MGAT4C: variants seen among roughly 807,000 people sequenced by gnomAD.
MGAT4C encodes the protein alpha-1,3-mannosyl-glycoprotein 4-beta-N-acetylglucosaminyltransferase C.
A neutral mutation model predicts 40.1 loss-of-function variants in MGAT4C; 19 were observed. The observed-to-expected ratio is 0.47, with a 90% CI of 0.33 to 0.70. MGAT4C has a LOEUF of 0.70. Among genes scored for constraint, MGAT4C ranks in the 30% least tolerant of loss-of-function variants. MGAT4C has a pLI of 0.02. For synonymous variants in MGAT4C, 181 were observed against 187.1 expected, an observed-to-expected ratio of 0.97 and a Z score of 0.27; for missense variants, 491 against 563.2, an observed-to-expected ratio of 0.87 and a Z score of 1.30.
At chr12:86,686,954 C>A (rs942294178) in intron 2 of MGAT4C, among the ~76,000 whole-genome samples, 1 of 152,236 alleles carries the variant, frequency 6.6e-6, no homozygotes, top group East Asian at 1.9e-4. Context: ...GCTGTGAATC[C>A]GTCTGGTCCT....
chr12:86,374,863 C>A (rs12815932), intron 3 of MGAT4C, among the ~76,000 whole-genome samples: 2 of 152,032 alleles, frequency 1.3e-5, no homozygotes, highest in Non-Finnish European at 2.9e-5. Context: ...ACCAGTAAGG[C>A]CTGCTTTGCT....
At chr12:86,390,200 T>A (rs1019647634) in intron 3 of MGAT4C, among the ~76,000 whole-genome samples, 63 of 152,136 alleles carry the variant, frequency 4.1e-4, no homozygotes, top group Non-Finnish European at 1.5e-4. Flanking sequence ...GCCCTGTGAG[T>A]TTTGTTGTAA....
chr12:86,286,208 G>T (rs1323749890), intron 4 of MGAT4C, among the ~76,000 whole-genome samples: 2 of 152,024 alleles, frequency 1.3e-5, no homozygotes, highest in Non-Finnish European at 2.9e-5. Flanking sequence ...AGGATGTGAC[G>T]TTTTATACAC....
chr12:86,194,739 C>T (rs1202679156), intron 1 of MGAT4C, among the ~76,000 whole-genome samples: 2 of 152,034 alleles, frequency 1.3e-5, no homozygotes. Context: ...GCTGGGATTA[C>T]AGGCATGAAC....
In MGAT4C at chr12:86,799,474, T is replaced by C. The variant is rs556591714; in HGVS notation, c.-262+39192A>G. 3.3e-5 allele frequency among the ~76,000 whole-genome samples: 5 copies of C among 151,984 alleles called. No individual in the cohort carries two copies. In the South Asian group the frequency reaches 6.2e-4, roughly 19 times the overall value. On this transcript the variant is annotated intron_variant, in intron 1 of 7. Coordinates refer to the MGAT4C transcript ENST00000548651. ...GCAAAGGTTTTAGTTACAAATACTT[T>C]CTATCTCACAGCTGTTCTCCTTTAA...
chr12:86,543,973 G>C (rs1941524397), intron 2 of MGAT4C, among the ~76,000 whole-genome samples: 1 of 151,990 alleles, frequency 6.6e-6, no homozygotes, highest in South Asian at 2.1e-4. Context: ...CTCATCAGGG[G>C]GGCTCAGGCT....
At chr12:86,425,845 A>T (rs537483243) in intron 3 of MGAT4C, among the ~76,000 whole-genome samples, 4 of 152,298 alleles carry the variant, frequency 2.6e-5, no homozygotes, top group Non-Finnish European at 5.9e-5. Flanking sequence ...CATTTGTATA[A>T]CTAAAGACTC....
rs566303660 is a variant in MGAT4C, at chr12:86,774,825, A to G, written c.-261-47584T>C. Among the ~76,000 whole-genome samples the G allele has an allele frequency of 2.8e-4, 42 of 152,148 alleles. 1 individual carries two copies. Among genetic ancestry groups the G allele is most frequent in the African/African-American group, 9.9e-4 (41 of 41,438 alleles). The stretch of plus-strand genomic sequence containing the variant: ...AAGAGCACTAATTTAATGATTGAAA[A>G]TAGAGTTGGTTCTATAATGAGGTCT... On this transcript the variant is annotated intron_variant, in intron 1 of 7. Coordinates refer to the MGAT4C transcript ENST00000548651.
At chr12:86,763,255 A>C (rs1286652952) in intron 1 of MGAT4C, among the ~76,000 whole-genome samples, 3 of 152,174 alleles carry the variant, frequency 2.0e-5, no homozygotes, top group Admixed American at 6.5e-5. Context: ...CAAAATTATG[A>C]ATCTATTCTG....
At chr12:86,834,175 GATATAGAT>G (rs1466416126) in intron 1 of MGAT4C, among the ~76,000 whole-genome samples, 3 of 3,142 alleles carry the variant, frequency 9.5e-4, no homozygotes, top group African/African-American at 2.0e-3. Flanking sequence ...GAGATAGATA[GATATAGAT>G]ATAGATATAG....
chr12:86,667,569 G>T (rs939801333), intron 2 of MGAT4C, among the ~76,000 whole-genome samples: 1 of 152,080 alleles, frequency 6.6e-6, no homozygotes, highest in Non-Finnish European at 1.5e-5. Context: ...AAACATAATG[G>T]CAAAAACCGC....
chr12:86,716,190 G>A (rs1314441673), intron 2 of MGAT4C, among the ~76,000 whole-genome samples: 1 of 152,010 alleles, frequency 6.6e-6, no homozygotes, highest in African/African-American at 2.4e-5. Flanking sequence ...TCCCATACAG[G>A]AGGTACATAT....
In MGAT4C at chr12:86,180,082, C is replaced by T. The variant is rs530221762; in HGVS notation, c.-57+76157G>A. Among the ~76,000 whole-genome samples, 489 of 152,278 alleles carry T rather than the reference C, an allele frequency of 3.2e-3. 2 individuals carry two copies. The highest frequency in any genetic ancestry group is 0.011 in the African/African-American group (454 of 41,554). ...TGTGTGCACCCTTGGGACTTGGTGCCCTGTGTTCCTGCCACTCCAGCCATG... is the reference window on the plus strand; with the variant it reads ...TGTGTGCACCCTTGGGACTTGGTGCTCTGTGTTCCTGCCACTCCAGCCATG... On this transcript the variant is annotated intron_variant, in intron 1 of 4. Coordinates refer to ENST00000611864, the MANE Select transcript of MGAT4C (RefSeq NM_001351288.2).
At chr12:86,721,287 G>A (rs368726189) in intron 2 of MGAT4C, among the ~76,000 whole-genome samples, 1 of 152,096 alleles carries the variant, frequency 6.6e-6, no homozygotes, top group East Asian at 1.9e-4. Flanking sequence ...TGCAGGACCT[G>A]AAGATTTTAG....
intron 2 of MGAT4C, among the ~76,000 whole-genome samples, chr12:85,992,884 G>A (rs1354394902): frequency 6.6e-6 from 1 of 152,190 alleles, no homozygotes; most frequent in Non-Finnish European, 1.5e-5. Flanking sequence ...GCCATCTCAG[G>A]AGAGGCTGCA....
chr12:86,834,035 C>A (rs1952985393), intron 1 of MGAT4C, among the ~76,000 whole-genome samples: 1 of 151,792 alleles, frequency 6.6e-6, no homozygotes, highest in Admixed American at 6.6e-5. Flanking sequence ...AATAGTATTT[C>A]ATTGTGTATA....
intron 1 of MGAT4C, among the ~76,000 whole-genome samples, chr12:86,191,013 G>A (rs1453104289): frequency 2.0e-5 from 3 of 151,056 alleles, no homozygotes; most frequent in Non-Finnish European, 1.5e-5. Context: ...CTGCTGGCCC[G>A]CCTCACAAAT....
intron 2 of MGAT4C, among the ~76,000 whole-genome samples, chr12:86,608,717 AAAT>A (rs1197597972): frequency 1.3e-5 from 2 of 152,184 alleles, no homozygotes; most frequent in African/African-American, 2.4e-5. Flanking sequence ...TAAAAAAAAA[AAAT>A]AACCAACTTG....
At position 86,107,329 on chromosome 12, in the gene MGAT4C, T is replaced by C. The variant is rs11117190; in HGVS notation, c.-56-57606A>G. On this transcript the variant is annotated intron_variant, in intron 1 of 4. Transcript: ENST00000611864. ...ATGAAGTCAAAGCCAGTTCTCTTTT[T>C]TGAAGTAGAATCCTGAAAATCATTG... 7.0e-3 allele frequency among the ~76,000 whole-genome samples: 1,065 copies of C among 152,264 alleles called. 14 individuals are homozygous for C. Among genetic ancestry groups the C allele is most frequent in the East Asian group, 0.037 (192 of 5,178 alleles).
Sources: allele counts gnomAD v4.1 joint callset (sites outside exome capture counted in the v4.1 genomes callset), GRCh38; gene constraint gnomAD v4.1.1; transcripts MANE v1.5; gene names NCBI Gene and HGNC (gene_info 2026-07-23, HGNC 2026-07-21).